The following PREX1 variants were observed in gnomAD, a reference collection of about 807,000 sequenced individuals.
PREX1 encodes phosphatidylinositol-3,4,5-trisphosphate dependent Rac exchange factor 1, also known as phosphatidylinositol 3,4,5-trisphosphate-dependent Rac exchanger 1 protein.
Under a neutral mutation model 198.3 loss-of-function variants are expected in PREX1, and 41 were observed. That is an observed-to-expected ratio of 0.21 (90% CI 0.16 to 0.27). PREX1 has a LOEUF of 0.27. Among genes scored for constraint, PREX1 ranks in the 10% least tolerant of loss-of-function variants. The probability of loss-of-function intolerance (pLI) is 1.00; values close to 1 mark genes in which losing one functional copy is unlikely to be tolerated. For missense variants in PREX1, 1,620 were observed against 2,200.7 expected (o/e 0.74, Z 5.28); for synonymous variants, 843 against 887.2 (o/e 0.95, Z 0.89).
At chr20:48,866,477 G>T in the PREX1 span, among the ~76,000 whole-genome samples, 6 of 152,200 alleles carry the variant, frequency 3.9e-5, no homozygotes, top group African/African-American at 1.4e-4. Context: ...GTGAGCCACA[G>T]GCAGGCGCAA....
Position 48,797,877 on chromosome 20 carries a change from G to A in PREX1, c.219+29765C>T, listed in dbSNP as rs906542069. ...CAGGCCTGCAGTCCTGACAGAGCCA[G>A]TGCTCAGACCCTCAAGATTCCTCAG... On this transcript the variant is annotated intron_variant, in intron 1 of 39. Transcript: ENST00000371941. Among the ~76,000 whole-genome samples, 3 of 152,338 alleles carry A rather than the reference G, an allele frequency of 2.0e-5. No homozygotes were observed. The Middle Eastern group carries it at 0.01, about 518-fold the overall frequency.
intron 25 of PREX1, 84 bp downstream of exon 25, chr20:48,649,216 A>C: frequency 6.5e-7 from 1 of 1,537,830 alleles, no homozygotes; most frequent in East Asian, 2.3e-5. Context: ...CACTACAAAG[A>C]ATGATGCTAC....
intron 1 of PREX1, among the ~76,000 whole-genome samples, chr20:48,808,637 C>T (rs1055977883): frequency 2.6e-5 from 4 of 152,166 alleles, no homozygotes; most frequent in Non-Finnish European, 5.9e-5. Context: ...ACAACACCAC[C>T]TCACTCAGCG....
intron 1 of PREX1, among the ~76,000 whole-genome samples, chr20:48,768,204 T>C (rs888056902): frequency 6.6e-6 from 1 of 152,150 alleles, no homozygotes; most frequent in Non-Finnish European, 1.5e-5. Flanking sequence ...CAAGGAAATA[T>C]CACTCAAAAC....
chr20:48,727,549 C>A (rs2090015661), intron 4 of PREX1, among the ~76,000 whole-genome samples: 1 of 152,170 alleles, frequency 6.6e-6, no homozygotes. Flanking sequence ...GGCTCCCAAC[C>A]ACCAACCACC....
At chr20:48,857,127 C>T in the PREX1 span, among the ~76,000 whole-genome samples, 3 of 152,192 alleles carry the variant, frequency 2.0e-5, no homozygotes, top group African/African-American at 4.8e-5. Context: ...GCATGAGGCA[C>T]GGTGCCCAGC....
chr20:48,860,545 A>G, the PREX1 span, among the ~76,000 whole-genome samples: 1 of 152,232 alleles, frequency 6.6e-6, no homozygotes, highest in Non-Finnish European at 1.5e-5. Flanking sequence ...GTATTTTACC[A>G]CAACTAAAAA....
At chr20:48,656,351 T>C (rs2089542933) in intron 18 of PREX1, 1 of 401,124 alleles carries the variant, frequency 2.5e-6, no homozygotes, top group Non-Finnish European at 5.1e-6. Flanking sequence ...CAATCTGAGC[T>C]CCACTTGCAG....
At chr20:48,637,689 C>CA in intron 31 of PREX1, 22 bp downstream of exon 31, 1 of 1,601,774 alleles carries the variant, frequency 6.2e-7, no homozygotes. Flanking sequence ...ATGTGCCCCC[C>CA]ACACACCTTT....
At chr20:48,772,582 A>C (rs758103454) in intron 1 of PREX1, among the ~76,000 whole-genome samples, 13 of 152,218 alleles carry the variant, frequency 8.5e-5, no homozygotes, top group Non-Finnish European at 1.8e-4. Context: ...CACCACATCA[A>C]GCTGGAAAGG....
chr20:48,653,234 T>A, intron 20 of PREX1, 127 bp downstream of exon 20: 1 of 1,406,374 alleles, frequency 7.1e-7, no homozygotes, highest in Non-Finnish European at 9.6e-7. Flanking sequence ...TCTTGTTGGG[T>A]CAGCAGCTCC....
chr20:48,651,160 T>G (rs1016589239), intron 22 of PREX1, 105 bp from the exon 23 acceptor site: 4 of 1,417,530 alleles, frequency 2.8e-6, no homozygotes, highest in African/African-American at 2.8e-5. Context: ...CCCCGGGAAG[T>G]CAGGTGTGTT....
At chr20:48,842,771 C>T in the PREX1 span, among the ~76,000 whole-genome samples, 3 of 151,828 alleles carry the variant, frequency 2.0e-5, no homozygotes, top group African/African-American at 7.3e-5. Context: ...CACTTGGCCC[C>T]TCACTGGCTA....
chr20:48,690,727 C>T (rs1448850095), intron 9 of PREX1, among the ~76,000 whole-genome samples: 1 of 152,194 alleles, frequency 6.6e-6, no homozygotes, highest in African/African-American at 2.4e-5. Flanking sequence ...CAAGACCCTT[C>T]TTTTGGGCCT....
chr20:48,775,606 G>GTTCCC (rs2122897900), intron 1 of PREX1, among the ~76,000 whole-genome samples: 1 of 151,894 alleles, frequency 6.6e-6, no homozygotes, highest in South Asian at 2.1e-4. Context: ...CTCATCTTGA[G>GTTCCC]TTCCCACATG....
intron 1 of PREX1, among the ~76,000 whole-genome samples, chr20:48,804,983 G>C (rs768204240): frequency 6.6e-5 from 10 of 152,174 alleles, no homozygotes; most frequent in Non-Finnish European, 1.0e-4. Context: ...ACAGAGGTCA[G>C]GGCAAGGAAT....
intron 1 of PREX1, among the ~76,000 whole-genome samples, chr20:48,756,114 T>C (rs2090155083): frequency 6.6e-6 from 1 of 152,202 alleles, no homozygotes; most frequent in African/African-American, 2.4e-5. Flanking sequence ...ATTTACCTTC[T>C]GCAGAAGAGC....
chr20:48,770,056 G>T (rs931965244), intron 1 of PREX1, among the ~76,000 whole-genome samples: 1 of 152,170 alleles, frequency 6.6e-6, no homozygotes, highest in African/African-American at 2.4e-5. Flanking sequence ...TTTTCTGCAG[G>T]ATTTCAATTG....
intron 10 of PREX1, among the ~76,000 whole-genome samples, chr20:48,687,309 C>A (rs957083591): frequency 6.6e-6 from 1 of 152,198 alleles, no homozygotes; most frequent in Non-Finnish European, 1.5e-5. Flanking sequence ...GGGCTTCCCA[C>A]GGCCCCCTGC....
Sources: allele counts gnomAD v4.1 joint callset (sites outside exome capture counted in the v4.1 genomes callset), GRCh38; gene constraint gnomAD v4.1.1; transcripts MANE v1.5; gene names NCBI Gene and HGNC (gene_info 2026-07-23, HGNC 2026-07-21).